FAM13A: variants seen among roughly 807,000 people sequenced by gnomAD.
FAM13A encodes the protein family with sequence similarity 13 member A, also known as protein FAM13A.
Under a neutral mutation model 129.6 loss-of-function variants are expected in FAM13A, and 76 were observed. The ratio of observed to expected loss-of-function variants is 0.59; its 90% CI spans 0.49 to 0.71. The LOEUF is 0.71. Among genes scored for constraint, FAM13A ranks in the 30% least tolerant of loss-of-function variants. The pLI is 0.00. For missense variants in FAM13A, 1,108 were observed against 1,249.3 expected (o/e 0.89, Z 1.70); for synonymous variants, 443 against 449.9 (o/e 0.98, Z 0.20).
intron 14 of FAM13A, among the ~76,000 whole-genome samples, chr4:88,757,750 T>C (rs1743971905): frequency 6.6e-6 from 1 of 152,190 alleles, no homozygotes; most frequent in Admixed American, 6.5e-5. Flanking sequence ...GTTTACTCTT[T>C]TTCACCTGGT....
At chr4:88,766,278 G>C (rs1243449143) in intron 13 of FAM13A, among the ~76,000 whole-genome samples, 1 of 152,172 alleles carries the variant, frequency 6.6e-6, no homozygotes, top group Non-Finnish European at 1.5e-5. Context: ...AACACAACTT[G>C]ACAGTATCAT....
chr4:89,014,982 T>C (rs1766267963), intron 3 of FAM13A, among the ~76,000 whole-genome samples: 1 of 152,202 alleles, frequency 6.6e-6, no homozygotes, highest in African/African-American at 2.4e-5. Flanking sequence ...TGAATTCTTT[T>C]TCTCAGCAAG....
At chr4:88,791,877 C>T (rs1399111705) in intron 8 of FAM13A, among the ~76,000 whole-genome samples, 1 of 152,056 alleles carries the variant, frequency 6.6e-6, no homozygotes, top group Non-Finnish European at 1.5e-5. Flanking sequence ...ACACTCCCTC[C>T]CACTACCACC....
chr4:88,993,103 AG>A (rs774292328), intron 3 of FAM13A, among the ~76,000 whole-genome samples: 3 of 152,230 alleles, frequency 2.0e-5, no homozygotes, highest in Non-Finnish European at 4.4e-5. Context: ...TTCTGGGGTG[AG>A]GAACCTGGTT....
intron 2 of FAM13A, among the ~76,000 whole-genome samples, chr4:89,025,164 T>C (rs1008709465): frequency 1.3e-4 from 20 of 151,648 alleles, no homozygotes; most frequent in African/African-American, 4.6e-4. Flanking sequence ...CATCCAGGAG[T>C]TCACTTCCAG....
At chr4:88,948,181 T>C (rs2869967) in intron 4 of FAM13A, among the ~76,000 whole-genome samples, 73,382 of 151,900 alleles carry the variant, frequency 0.48, 18,661 homozygotes, top group African/African-American at 0.66. Flanking sequence ...CTGGAAGGGT[T>C]AAGGGATGTA....
Position 88,875,500 on chromosome 4 carries a change from C to A in FAM13A, c.844-24317G>T, listed in dbSNP as rs1187704548. Among the ~76,000 whole-genome samples the A allele has an allele frequency of 2.0e-5, 3 of 152,266 alleles. No individual in the cohort carries two copies. In the East Asian group the frequency reaches 5.8e-4, roughly 29 times the overall value. ...GGCAAAGGTTATAACAGACACTTCT[C>A]AAAAGAAGAGATTTATGCAGCCAAC... is the stretch of plus-strand genomic sequence containing the variant. On this transcript the variant is annotated intron_variant, in intron 6 of 23. Transcript: ENST00000264344.
At chr4:88,895,222 G>C (rs1746080112) in intron 6 of FAM13A, among the ~76,000 whole-genome samples, 1 of 151,912 alleles carries the variant, frequency 6.6e-6, no homozygotes, top group Admixed American at 6.6e-5. Flanking sequence ...TATAAACTAG[G>C]TTGATGCATG....
intron 4 of FAM13A, among the ~76,000 whole-genome samples, chr4:88,952,176 T>C (rs1270356223): frequency 6.6e-6 from 1 of 152,030 alleles, no homozygotes; most frequent in Non-Finnish European, 1.5e-5. Flanking sequence ...AAACCAGCAA[T>C]CTTTTATATA....
intron 1 of FAM13A, among the ~76,000 whole-genome samples, chr4:89,053,966 T>C (rs1771914885): frequency 6.6e-6 from 1 of 152,028 alleles, no homozygotes; most frequent in African/African-American, 2.4e-5. Flanking sequence ...ACATTTAAAA[T>C]TAGAAGAGAC....
chr4:88,882,194 G>C (rs1261931119), intron 6 of FAM13A, among the ~76,000 whole-genome samples: 1 of 152,114 alleles, frequency 6.6e-6, no homozygotes, highest in Non-Finnish European at 1.5e-5. Flanking sequence ...GTAATCTAAA[G>C]TCAGGATGAA....
intron 4 of FAM13A, among the ~76,000 whole-genome samples, chr4:88,967,837 G>A (rs947890684): frequency 1.3e-5 from 2 of 152,208 alleles, no homozygotes; most frequent in Non-Finnish European, 1.5e-5. Flanking sequence ...GATGAAATCA[G>A]TTGATACTTG....
intron 2 of FAM13A, among the ~76,000 whole-genome samples, chr4:89,027,626 T>C (rs1768139225): frequency 6.6e-6 from 1 of 152,166 alleles, no homozygotes; most frequent in South Asian, 2.1e-4. Context: ...AGAACTCACC[T>C]TTTCAATTAA....
chr4:89,026,814 C>A (rs1053071546), intron 2 of FAM13A, among the ~76,000 whole-genome samples: 4 of 152,190 alleles, frequency 2.6e-5, no homozygotes, highest in African/African-American at 9.7e-5. Context: ...AAAGCCTAAC[C>A]ATATCAGTCA....
In FAM13A at chr4:88,838,572, C is replaced by T. The variant is rs563682232; in HGVS notation, c.1007+12448G>A. Among the ~76,000 whole-genome samples the T allele has an allele frequency of 3.9e-5, 6 of 152,048 alleles. No individual in the cohort carries two copies. In the South Asian group the frequency reaches 1.0e-3, roughly 26 times the overall value. ...AATCCCGCCTCTATTAAAAACTACA[C>T]AAAAATTAGCCGGGCGTGGTGGCGG... On this transcript the variant is annotated intron_variant, in intron 7 of 23. Transcript: ENST00000264344.
intron 7 of FAM13A, among the ~76,000 whole-genome samples, chr4:88,809,777 C>A (rs1027035762): frequency 1.8e-4 from 27 of 151,422 alleles, no homozygotes; most frequent in African/African-American, 6.1e-4. Flanking sequence ...CCCTTGCCAA[C>A]TGGGGAGGTA....
At chr4:88,871,320 CAGA>C (rs1184100356) in intron 6 of FAM13A, among the ~76,000 whole-genome samples, 2 of 152,152 alleles carry the variant, frequency 1.3e-5, no homozygotes, top group African/African-American at 2.4e-5. Context: ...AAGTAGGCTT[CAGA>C]AGGTCAGTAA....
intron 4 of FAM13A, among the ~76,000 whole-genome samples, chr4:88,946,442 A>G (rs1256584839): frequency 8.6e-6 from 1 of 116,702 alleles, no homozygotes; most frequent in East Asian, 2.4e-4. Flanking sequence ...CAAAAACTTC[A>G]TTCCCAACAT....
At chr4:88,965,361 C>T (rs1023407521) in intron 4 of FAM13A, among the ~76,000 whole-genome samples, 2 of 152,206 alleles carry the variant, frequency 1.3e-5, no homozygotes, top group Admixed American at 6.5e-5. Context: ...ACACAGCAGA[C>T]TTCTCTCAAT....
Sources: allele counts gnomAD v4.1 joint callset (sites outside exome capture counted in the v4.1 genomes callset), GRCh38; gene constraint gnomAD v4.1.1; transcripts MANE v1.5; gene names NCBI Gene and HGNC (gene_info 2026-07-23, HGNC 2026-07-21).